TMEM65: variants seen among roughly 807,000 people sequenced by gnomAD.
TMEM65 encodes transmembrane protein 65.
TMEM65 carries 22 observed loss-of-function variants against 25.4 expected under a neutral mutation model. The observed-to-expected ratio is 0.86, with a 90% confidence interval of 0.62 to 1.23. TMEM65 has a LOEUF of 1.23. Ranked by LOEUF, TMEM65 falls within the 50% of genes most tolerant of loss-of-function variation. The probability of loss-of-function intolerance (pLI) is 0.00; values close to 1 mark genes in which losing one functional copy is unlikely to be tolerated. For synonymous variants in TMEM65, 132 were observed against 126.2 expected, an observed-to-expected ratio of 1.05 and a Z score of -0.31; for missense variants, 262 against 308.2, an observed-to-expected ratio of 0.85 and a Z score of 1.12.
intron 1 of TMEM65, among the ~76,000 whole-genome samples, chr8:124,340,896 G>A (rs559462314): frequency 1.5e-4 from 23 of 152,156 alleles, no homozygotes; most frequent in Non-Finnish European, 3.1e-4. Context: ...AAAGATACTT[G>A]GGGCCATTAG....
intron 1 of TMEM65, among the ~76,000 whole-genome samples, chr8:124,358,590 TC>T (rs1814815111): frequency 6.6e-6 from 1 of 152,168 alleles, no homozygotes; most frequent in Non-Finnish European, 1.5e-5. Context: ...GCACCTCACT[TC>T]CATTTTCCAT....
At chr8:124,328,079 C>T (rs756282238) in intron 2 of TMEM65, among the ~76,000 whole-genome samples, 15 of 152,056 alleles carry the variant, frequency 9.9e-5, no homozygotes, top group Admixed American at 2.0e-4. Flanking sequence ...CAAAAACACA[C>T]CTTACTTCAT....
At chr8:124,318,359 G>C (rs1814262663) in intron 6 of TMEM65, among the ~76,000 whole-genome samples, 2 of 118,164 alleles carry the variant, frequency 1.7e-5, no homozygotes, top group African/African-American at 3.4e-5. Context: ...TGCTGAATTT[G>C]CATGTTTTTG....
chr8:124,315,698 C>CTT lies in TMEM65; in HGVS notation c.622-1638_622-1637insAA, dbSNP rs563087123. On this transcript the variant is annotated intron_variant, in intron 6 of 6. Coordinates refer to ENST00000297632, the MANE Select transcript of TMEM65 (RefSeq NM_194291.3). ...AATAGCTTGCATAAAAATTTTTCAA[C>CTT]TCTTATTTTGAGGCTTTTGGTGGTG... 8.8e-4 allele frequency among the ~76,000 whole-genome samples: 25 copies of CTT among 28,430 alleles called. No homozygotes were observed. In the East Asian group the frequency reaches 0.3, roughly 347 times the overall value. The allele number at this position is 28,430 out of a possible 152,430, so 18.7% of individuals were successfully genotyped here.
chr8:124,358,654 C>T (rs1196580538), intron 1 of TMEM65, among the ~76,000 whole-genome samples: 2 of 152,228 alleles, frequency 1.3e-5, no homozygotes, highest in Non-Finnish European at 2.9e-5. Flanking sequence ...GCAACAACAC[C>T]AGAGTGGCTC....
chr8:124,330,709 GACAGATGAACATATATTTA>G lies in TMEM65; in HGVS notation c.349+20_349+38del. ...TGATACAGTTATTTCAAGGCCAAAA[GACAGATGAACATATATTTA>G]ACAATTATAGAACCATTACCATATC... On this transcript the variant is annotated intron_variant, in intron 2 of 6. Coordinates refer to ENST00000297632, the MANE Select transcript of TMEM65 (RefSeq NM_194291.3). 1 of 1,577,294 alleles carries G rather than the reference GACAGATGAACATATATTTA, an allele frequency of 6.3e-7. No individual in the cohort carries two copies. Among genetic ancestry groups the G allele is most frequent in the Non-Finnish European group, 8.6e-7 (1 of 1,157,216 alleles).
intron 1 of TMEM65, among the ~76,000 whole-genome samples, chr8:124,365,496 T>C (rs1378164479): frequency 6.6e-6 from 1 of 152,196 alleles, no homozygotes; most frequent in Non-Finnish European, 1.5e-5. Flanking sequence ...AGCTAGGTCA[T>C]AACAAGTCTG....
chr8:124,316,007 C>T (rs1814233036), intron 6 of TMEM65, among the ~76,000 whole-genome samples: 1 of 152,146 alleles, frequency 6.6e-6, no homozygotes, highest in African/African-American at 2.4e-5. Context: ...TTTCACTTCC[C>T]ACCCATTCTG....
chr8:124,324,196 A>T (rs1814339172), intron 3 of TMEM65, among the ~76,000 whole-genome samples: 1 of 152,098 alleles, frequency 6.6e-6, no homozygotes. Context: ...AACATTTCTA[A>T]AAAATGCTTC....
chr8:124,362,491 G>A (rs1202554587), intron 1 of TMEM65, among the ~76,000 whole-genome samples: 1 of 151,520 alleles, frequency 6.6e-6, no homozygotes, highest in East Asian at 2.0e-4. Flanking sequence ...GCGAAACCCT[G>A]TCTCTACTAA....
intron 1 of TMEM65, among the ~76,000 whole-genome samples, chr8:124,347,890 CTTTT>C (rs10713773): frequency 7.7e-5 from 9 of 117,320 alleles, no homozygotes; most frequent in Admixed American, 1.8e-4. Context: ...AATAATTTTT[CTTTT>C]TTTTTTTTTT....
chr8:124,339,680 T>C (rs909111733), intron 1 of TMEM65, among the ~76,000 whole-genome samples: 2 of 151,996 alleles, frequency 1.3e-5, no homozygotes, highest in East Asian at 1.9e-4. Context: ...CTGACTTTAT[T>C]TGAGCATTTT....
intron 1 of TMEM65, among the ~76,000 whole-genome samples, chr8:124,361,876 ATTTT>A (rs994803922): frequency 1.3e-5 from 2 of 149,652 alleles, no homozygotes; most frequent in African/African-American, 4.9e-5. Context: ...AAAAAGCAAG[ATTTT>A]TTTTGTCGGT....
intron 1 of TMEM65, among the ~76,000 whole-genome samples, chr8:124,360,808 G>A (rs1258413623): frequency 6.6e-6 from 1 of 152,030 alleles, no homozygotes; most frequent in African/African-American, 2.4e-5. Context: ...TAGTAGAATG[G>A]GGAAAAAAAA....
At chr8:124,319,448 T>C (rs957606239) in intron 6 of TMEM65, among the ~76,000 whole-genome samples, 1 of 152,200 alleles carries the variant, frequency 6.6e-6, no homozygotes, top group Non-Finnish European at 1.5e-5. Context: ...TCTCCAATGT[T>C]GTCTCCTGCT....
intron 1 of TMEM65, among the ~76,000 whole-genome samples, chr8:124,361,121 G>C (rs1376640420): frequency 6.6e-6 from 1 of 152,182 alleles, no homozygotes; most frequent in Non-Finnish European, 1.5e-5. Flanking sequence ...GTTTTCGCTA[G>C]ACATTAAGGC....
At position 124,311,488 on chromosome 8, in the gene TMEM65, A is replaced by G. The variant is rs1008950433; in HGVS notation, c.*2472T>C. The stretch of plus-strand genomic sequence containing the variant: ...AAATGCACCCAATTTACATGCATCA[A>G]CAAGTTAATAAATCATAATACATGG... On this transcript the variant is annotated 3_prime_UTR_variant, in exon 7 of 7. Transcript: ENST00000297632. The G allele has an allele frequency of 6.6e-6, 1 of 152,640 alleles. No individual in the cohort carries two copies. The highest frequency in any genetic ancestry group is 1.5e-5 in the Non-Finnish European group (1 of 68,024). 9.5% of individuals were successfully genotyped at this position (152,640 alleles called of 1,614,324 possible). A position where few individuals can be genotyped will look rare whatever the true frequency, so the allele number is the denominator to read the frequency against.
intron 6 of TMEM65, among the ~76,000 whole-genome samples, chr8:124,317,932 A>G (rs1814257561): frequency 6.6e-6 from 1 of 152,204 alleles, no homozygotes. Context: ...CCTGGGCCAC[A>G]TTGGAAGAAG....
chr8:124,356,255 T>C (rs1814778925), intron 1 of TMEM65, among the ~76,000 whole-genome samples: 1 of 152,180 alleles, frequency 6.6e-6, no homozygotes, highest in Non-Finnish European at 1.5e-5. Flanking sequence ...TATATAAGTA[T>C]GTGGGCCCCA....
Sources: gnomAD v4.1 joint callset for allele counts (sites outside exome capture counted in the v4.1 genomes callset) on GRCh38, gnomAD v4.1.1 for gene constraint, MANE v1.5 for transcripts, NCBI Gene and HGNC (gene_info 2026-07-23, HGNC 2026-07-21) for gene names.